The following ARMH1 variants were observed in gnomAD, a reference collection of about 807,000 sequenced individuals.
ARMH1 encodes armadillo like helical domain containing 1, also known as armadillo-like helical domain containing protein 1.
ARMH1 carries 34 observed loss-of-function variants against 50.2 expected under a neutral mutation model. The observed-to-expected ratio is 0.68, with a 90% CI of 0.51 to 0.90. The LOEUF is 0.90. ARMH1 is among the 40% of genes least tolerant of loss of function. ARMH1 has a pLI of 0.00. For missense variants in ARMH1, 538 were observed against 553.9 expected (o/e 0.97, Z 0.29); for synonymous variants, 221 against 224.2 (o/e 0.99, Z 0.13).
chr1:44,681,134 G>A lies in ARMH1; in HGVS notation c.-23+6261G>A, dbSNP rs61789885. Among the ~76,000 whole-genome samples the A allele has an allele frequency of 0.3, 45,579 of 150,712 alleles. 7,702 individuals carry two copies. The highest frequency in any genetic ancestry group is 0.4 in the Middle Eastern group (118 of 294). On this transcript the variant is annotated intron_variant, in intron 1 of 11. Transcript: ENST00000535358. The surrounding 1 kb of genome is among the most constrained non-coding windows in gnomAD (Gnocchi z 4.3). ...CTCAGCCTCCCGAGTAGCTGGGACT[G>A]CAGGCGTCCACCACCATGCCCGGCT...
chr1:44,695,289 G>T (rs1329895986), intron 2 of ARMH1, among the ~76,000 whole-genome samples: 2 of 152,212 alleles, frequency 1.3e-5, no homozygotes, highest in African/African-American at 4.8e-5. Flanking sequence ...GAGGGCCATG[G>T]TGAGGATTAT....
chr1:44,678,952 AG>A (rs1360539341), intron 1 of ARMH1, among the ~76,000 whole-genome samples: 1 of 152,196 alleles, frequency 6.6e-6, no homozygotes, highest in Admixed American at 6.5e-5. Flanking sequence ...CCCTGCATGA[AG>A]AAGAACCATT....
intron 6 of ARMH1, chr1:44,721,899 G>C (rs4660287): frequency 7.9e-5 from 12 of 152,134 alleles, no homozygotes; most frequent in African/African-American, 1.4e-4. Context: ...AGAAACCAGA[G>C]ATCTGCCTGT....
chr1:44,722,167 T>C (rs1647353404), intron 6 of ARMH1, among the ~76,000 whole-genome samples: 1 of 152,146 alleles, frequency 6.6e-6, no homozygotes. Context: ...CTAAACCCTC[T>C]CTCTCTTACC....
At chr1:44,721,951 C>A (rs956951488) in intron 6 of ARMH1, 23 of 152,222 alleles carry the variant, frequency 1.5e-4, no homozygotes, top group Admixed American at 1.1e-3. Context: ...TGGTCTCCCT[C>A]TACTTACGGT....
chr1:44,678,245 G>T (rs1645198344), intron 1 of ARMH1, among the ~76,000 whole-genome samples: 1 of 152,120 alleles, frequency 6.6e-6, no homozygotes, highest in South Asian at 2.1e-4. Flanking sequence ...GTGGAGCAGT[G>T]TTGGAGGCAG....
At chr1:44,680,079 C>G (rs1645257915) in intron 1 of ARMH1, among the ~76,000 whole-genome samples, 1 of 152,328 alleles carries the variant, frequency 6.6e-6, no homozygotes, top group Non-Finnish European at 1.5e-5. Flanking sequence ...CACTGAGATG[C>G]AGAGGGCCCT....
chr1:44,720,390 C>G (rs958678359), intron 6 of ARMH1, among the ~76,000 whole-genome samples: 1 of 151,984 alleles, frequency 6.6e-6, no homozygotes, highest in South Asian at 2.1e-4. Context: ...AAGCGTGGTC[C>G]TAGGCTGCCA....
chr1:44,699,750 A>G (rs912528156), intron 4 of ARMH1, among the ~76,000 whole-genome samples: 12 of 151,936 alleles, frequency 7.9e-5, no homozygotes, highest in South Asian at 2.1e-4. Context: ...CCGCACCCTC[A>G]ATAATTTTAA....
Position 44,723,775 on chromosome 1 carries a change from T to C in ARMH1, c.725-347T>C, listed in dbSNP as rs886584987. The stretch of plus-strand genomic sequence containing the variant: ...TTCTCTGTCTCCCTCTCACCCCTTG[T>C]CTTTCTCCATCTTGTCTTCCCGTAA... On this transcript the variant is annotated intron_variant, in intron 6 of 11. Coordinates refer to ENST00000535358, the MANE Select transcript of ARMH1 (RefSeq NM_001145636.2). 3.6e-5 allele frequency: 8 copies of C among 224,792 alleles called. No homozygotes were observed. In the Admixed American group the frequency reaches 4.6e-4, roughly 13 times the overall value. The allele number at this position is 224,792 out of a possible 1,614,324, so 13.9% of individuals were successfully genotyped here. A position where few individuals can be genotyped will look rare whatever the true frequency, so the allele number is the denominator to read the frequency against.
intron 1 of ARMH1, among the ~76,000 whole-genome samples, chr1:44,678,493 T>A (rs1645206592): frequency 6.6e-6 from 1 of 151,404 alleles, no homozygotes; most frequent in Non-Finnish European, 1.5e-5. Flanking sequence ...CAGAAGAGGG[T>A]CCATGAGAAG....
chr1:44,682,812 C>T lies in ARMH1; in HGVS notation c.-22-6864C>T, dbSNP rs1645354309. ...AAAATTAGGTGGGCATGGTGGCATG[C>T]ACCTGTAGTCCCAGCTACTCAGGAG... On this transcript the variant is annotated intron_variant, in intron 1 of 11. Coordinates refer to ENST00000535358, the MANE Select transcript of ARMH1 (RefSeq NM_001145636.2). This position sits in a 1 kb window ranked among gnomAD's most constrained non-coding sequence, Gnocchi z 4.5. Among the ~76,000 whole-genome samples, 1 of 152,118 alleles carries T rather than the reference C, an allele frequency of 6.6e-6. No homozygotes were observed.
chr1:44,687,814 T>C (rs1248428544), intron 1 of ARMH1, among the ~76,000 whole-genome samples: 1 of 152,132 alleles, frequency 6.6e-6, no homozygotes, highest in Non-Finnish European at 1.5e-5. Flanking sequence ...TCTTTTCCTG[T>C]CTTCAAAGAA....
intron 1 of ARMH1, among the ~76,000 whole-genome samples, chr1:44,675,367 A>G (rs904179499): frequency 9.2e-5 from 14 of 152,148 alleles, no homozygotes; most frequent in Admixed American, 7.2e-4. Flanking sequence ...GGAGGGGGAA[A>G]GACTCTTTGC....
At chr1:44,678,329 A>G (rs1264294648) in intron 1 of ARMH1, among the ~76,000 whole-genome samples, 3 of 151,230 alleles carry the variant, frequency 2.0e-5, no homozygotes, top group African/African-American at 7.3e-5. Flanking sequence ...ATGAAGGCAG[A>G]GGATTTCATA....
intron 1 of ARMH1, among the ~76,000 whole-genome samples, chr1:44,686,420 A>G (rs568081618): frequency 6.6e-6 from 1 of 152,370 alleles, no homozygotes; most frequent in East Asian, 1.9e-4. Flanking sequence ...TCACGCCTGT[A>G]ATCCCAGCAC....
intron 1 of ARMH1, among the ~76,000 whole-genome samples, chr1:44,678,548 G>A (rs1287399775): frequency 1.3e-5 from 2 of 152,098 alleles, no homozygotes; most frequent in African/African-American, 2.4e-5. Flanking sequence ...GAGAAATAAG[G>A]ACACCTTGTT....
At chr1:44,722,130 G>A (rs931498820) in intron 6 of ARMH1, among the ~76,000 whole-genome samples, 1 of 152,216 alleles carries the variant, frequency 6.6e-6, no homozygotes, top group Non-Finnish European at 1.5e-5. Context: ...GGATGCAAAT[G>A]AGCTGAGCGC....
intron 5 of ARMH1, 68 bp from the exon 6 acceptor site, chr1:44,704,021 C>T (rs1231133412): frequency 1.5e-6 from 2 of 1,363,686 alleles, no homozygotes; most frequent in South Asian, 1.3e-5. Flanking sequence ...CCACCGCACC[C>T]GGCCGGGAAT....
Sources: gnomAD v4.1 joint callset for allele counts (sites outside exome capture counted in the v4.1 genomes callset) on GRCh38, gnomAD v4.1.1 for gene constraint, Gnocchi (gnomAD v3.1) non-coding constraint, MANE v1.5 for transcripts, NCBI Gene and HGNC (gene_info 2026-07-23, HGNC 2026-07-21) for gene names.